ERBB4: variants seen among roughly 807,000 people sequenced by gnomAD.
ERBB4 encodes the protein erb-b2 receptor tyrosine kinase 4.
ERBB4 carries 42 observed loss-of-function variants against 158.0 expected under a neutral mutation model. The ratio of observed to expected loss-of-function variants is 0.27; its 90% CI spans 0.21 to 0.34. The LOEUF is 0.34. Among genes scored for constraint, ERBB4 ranks in the 10% least tolerant of loss-of-function variants. The probability of loss-of-function intolerance (pLI) is 1.00; values close to 1 mark genes in which losing one functional copy is unlikely to be tolerated. For synonymous variants in ERBB4, 583 were observed against 558.7 expected, an observed-to-expected ratio of 1.04 and a Z score of -0.61; for missense variants, 1,333 against 1,624.1, an observed-to-expected ratio of 0.82 and a Z score of 3.08.
intron 2 of ERBB4, among the ~76,000 whole-genome samples, chr2:212,044,404 C>T (rs778746294): frequency 1.5e-4 from 23 of 151,980 alleles, no homozygotes; most frequent in South Asian, 2.1e-4. Flanking sequence ...ATATTTCTGC[C>T]GCCTTTTGGT....
chr2:212,034,447 C>G (rs1285899841), intron 2 of ERBB4, among the ~76,000 whole-genome samples: 1 of 151,896 alleles, frequency 6.6e-6, no homozygotes, highest in East Asian at 1.9e-4. Flanking sequence ...GGTTATGATT[C>G]CCAGCTAATG....
chr2:212,521,697 A>C (rs932272835), intron 1 of ERBB4, among the ~76,000 whole-genome samples: 1 of 151,966 alleles, frequency 6.6e-6, no homozygotes, highest in Admixed American at 6.6e-5. Context: ...TGAGGTTAAC[A>C]TTAATATTCA....
chr2:211,763,971 G>T (rs868015347), intron 4 of ERBB4, among the ~76,000 whole-genome samples: 1 of 151,318 alleles, frequency 6.6e-6, no homozygotes, highest in African/African-American at 2.4e-5. Context: ...TAACAAATAG[G>T]CACATTTCTA....
chr2:212,308,952 C>A (rs1177763986), intron 1 of ERBB4, among the ~76,000 whole-genome samples: 1 of 150,854 alleles, frequency 6.6e-6, no homozygotes, highest in Non-Finnish European at 1.5e-5. Flanking sequence ...ATAACCCCAG[C>A]TGAAGAAAAA....
At chr2:212,493,482 A>G (rs1036226887) in intron 1 of ERBB4, among the ~76,000 whole-genome samples, 1 of 151,584 alleles carries the variant, frequency 6.6e-6, no homozygotes, top group African/African-American at 2.4e-5. Flanking sequence ...TTTAAGCTTC[A>G]TTACTCTGCA....
At chr2:212,130,399 T>A (rs914686033) in intron 1 of ERBB4, among the ~76,000 whole-genome samples, 2 of 152,116 alleles carry the variant, frequency 1.3e-5, no homozygotes, top group African/African-American at 4.8e-5. Flanking sequence ...TTAAGATTTA[T>A]ATCCAACAGC....
intron 1 of ERBB4, among the ~76,000 whole-genome samples, chr2:212,175,966 T>C (rs2081651283): frequency 6.6e-6 from 1 of 152,006 alleles, no homozygotes. Context: ...CACCAGTTCT[T>C]ATCATTTTAT....
chr2:211,428,636 A>G (rs184100525), intron 21 of ERBB4, among the ~76,000 whole-genome samples, 153 bp from the exon 22 acceptor site: 4 of 152,176 alleles, frequency 2.6e-5, no homozygotes, highest in Admixed American at 1.3e-4. Flanking sequence ...ATGTTAATTT[A>G]TGACTATAAC....
In ERBB4 at chr2:211,383,955, G is replaced by A. The variant is rs2125311561; in HGVS notation, c.3587C>T (p.Pro1196Leu). 6.2e-7 allele frequency: 1 copy of A among 1,613,946 alleles called. No individual in the cohort carries two copies. The highest frequency in any genetic ancestry group is 8.5e-7 in the Non-Finnish European group (1 of 1,179,956). Residue 1196 changes from proline (P) to leucine (L), a missense_variant, in exon 28 of 28, where the codon CCC (proline) becomes CTC (leucine). By Grantham distance (98) the Pro-to-Leu change is moderately conservative. This residue lies in a region of ERBB4 where 252 missense variants were observed against 241.3 expected (regional missense o/e 1.04). Coordinates refer to ENST00000342788, the MANE Select transcript of ERBB4 (RefSeq NM_005235.3). The part of the protein sequence containing the change: ...PEYHNASNGP[P>L]KAEDEYVNEP... ...ATTCACATACTCATCCTCGGCCTTG[G>A]GTGGACCATTGGATGCATTGTGATA...
At chr2:212,303,301 TA>T (rs1260145195) in intron 1 of ERBB4, among the ~76,000 whole-genome samples, 1 of 151,474 alleles carries the variant, frequency 6.6e-6, no homozygotes, top group African/African-American at 2.4e-5. Flanking sequence ...TATTTCACTT[TA>T]TTGACAAAAC....
At chr2:211,940,457 G>C (rs778282820) in intron 3 of ERBB4, among the ~76,000 whole-genome samples, 9 of 152,000 alleles carry the variant, frequency 5.9e-5, no homozygotes, top group South Asian at 2.1e-4. Context: ...CTCTCTTAGG[G>C]AAGGGAGAAG....
intron 3 of ERBB4, among the ~76,000 whole-genome samples, chr2:211,929,026 C>T (rs1030891336): frequency 3.3e-5 from 5 of 152,100 alleles, no homozygotes; most frequent in African/African-American, 9.7e-5. Flanking sequence ...ATTAAATACA[C>T]ACAGCCATAC....
chr2:211,861,155 TTAAA>T (rs1457720621), intron 3 of ERBB4, among the ~76,000 whole-genome samples: 3 of 49,374 alleles, frequency 6.1e-5, no homozygotes, highest in African/African-American at 1.6e-4. Context: ...TATATATATA[TTAAA>T]AAAAAGTAGT....
At chr2:211,408,088 A>T (rs2063181655) in intron 25 of ERBB4, among the ~76,000 whole-genome samples, 1 of 151,986 alleles carries the variant, frequency 6.6e-6, no homozygotes, top group Admixed American at 6.6e-5. Flanking sequence ...ATGGATTTGT[A>T]AAATAAATAA....
intron 25 of ERBB4, among the ~76,000 whole-genome samples, chr2:211,398,570 A>C (rs963368785): frequency 6.6e-6 from 1 of 152,034 alleles, no homozygotes; most frequent in Non-Finnish European, 1.5e-5. Context: ...CCTCTAGGCA[A>C]GGTGGCTCAT....
chr2:212,403,578 T>C (rs2091267763), intron 1 of ERBB4, among the ~76,000 whole-genome samples: 1 of 151,996 alleles, frequency 6.6e-6, no homozygotes, highest in Non-Finnish European at 1.5e-5. Context: ...TCCTGCAATA[T>C]GTGACAAGAA....
At chr2:212,137,977 A>C (rs1018550426) in intron 1 of ERBB4, among the ~76,000 whole-genome samples, 1 of 152,214 alleles carries the variant, frequency 6.6e-6, no homozygotes, top group African/African-American at 2.4e-5. Context: ...AAAACAATAC[A>C]TGGTGCTCTG....
intron 27 of ERBB4, among the ~76,000 whole-genome samples, chr2:211,386,423 A>C (rs765509508): frequency 1.2e-4 from 18 of 152,208 alleles, no homozygotes; most frequent in Non-Finnish European, 2.2e-4. Flanking sequence ...CAAATCTTTT[A>C]TTAGTGCCAT....
chr2:212,382,693 A>G (rs920073155), intron 1 of ERBB4, among the ~76,000 whole-genome samples: 11 of 151,290 alleles, frequency 7.3e-5, no homozygotes, highest in African/African-American at 2.4e-4. Flanking sequence ...CAAGAATAAC[A>G]GCGGTATTTT....
Sources: gnomAD v4.1 joint callset for allele counts (sites outside exome capture counted in the v4.1 genomes callset) on GRCh38, gnomAD v4.1.1 for gene constraint, gnomAD v4.1.1 regional missense constraint, MANE v1.5 for transcripts, NCBI Gene and HGNC (gene_info 2026-07-23, HGNC 2026-07-21) for gene names.